The following MECOM variants were observed in gnomAD, a reference collection of about 807,000 sequenced individuals.
The protein encoded by MECOM is MDS1 and EVI1 complex locus, also known as histone-lysine N-methyltransferase MECOM.
MECOM carries 13 observed loss-of-function variants against 116.3 expected under a neutral mutation model. That is an observed-to-expected ratio of 0.11 (90% CI 0.07 to 0.18). The LOEUF (loss-of-function observed/expected upper bound fraction) is 0.18, where lower values mean the gene tolerates loss of function less well. Among genes scored for constraint, MECOM ranks in the 10% least tolerant of loss-of-function variants. The pLI, the probability that MECOM is intolerant of heterozygous loss-of-function variation, is 1.00. For synonymous variants in MECOM, 528 were observed against 535.2 expected, an observed-to-expected ratio of 0.99 and a Z score of 0.19; for missense variants, 1,299 against 1,509.0, an observed-to-expected ratio of 0.86 and a Z score of 2.31.
chr3:169,479,292 T>TGC (rs1553865414), intron 1 of MECOM, among the ~76,000 whole-genome samples: 2 of 151,188 alleles, frequency 1.3e-5, no homozygotes, highest in African/African-American at 2.4e-5. Context: ...TGTGTGTGTG[T>TGC]GCAAGAGACA....
intron 1 of MECOM, among the ~76,000 whole-genome samples, chr3:169,485,027 C>G (rs1335837005): frequency 6.6e-6 from 1 of 152,088 alleles, no homozygotes; most frequent in Non-Finnish European, 1.5e-5. Flanking sequence ...TGGAGTTTCA[C>G]TCTTTCACCC....
At chr3:169,266,024 C>T (rs1317863920) in intron 2 of MECOM, among the ~76,000 whole-genome samples, 1 of 152,138 alleles carries the variant, frequency 6.6e-6, no homozygotes, top group Non-Finnish European at 1.5e-5. Context: ...CTGTCAAGAA[C>T]AAAATCTATA....
intron 1 of MECOM, among the ~76,000 whole-genome samples, chr3:169,493,474 G>A (rs979340012): frequency 6.6e-5 from 10 of 151,972 alleles, no homozygotes; most frequent in Non-Finnish European, 4.4e-5. Context: ...AGAATCTAAC[G>A]AGGAACACCA....
chr3:169,286,904 T>C (rs192749244), intron 2 of MECOM, among the ~76,000 whole-genome samples: 3 of 152,240 alleles, frequency 2.0e-5, no homozygotes, highest in Non-Finnish European at 2.9e-5. Flanking sequence ...GCTGAACTTA[T>C]ACCTTTATCT....
rs201139839 is a variant in MECOM at position 169,090,253 on chromosome 3, A to C, written c.3165-17T>G. ...CCATTCATTCTTTCAAAAGCATTAA[A>C]AAAAAAGTCCAATTGTTGGTTTCAT... On this transcript the variant is annotated splice_polypyrimidine_tract_variant and intron_variant, in intron 14 of 16. Transcript: ENST00000651503. 1,223 of 1,580,030 alleles carry C rather than the reference A, an allele frequency of 7.7e-4. 6 individuals are homozygous for C. The highest frequency in any genetic ancestry group is 1.8e-3 in the Admixed American group (90 of 50,962).
intron 1 of MECOM, among the ~76,000 whole-genome samples, chr3:169,410,567 G>A (rs1737394844): frequency 6.6e-6 from 1 of 151,508 alleles, no homozygotes; most frequent in South Asian, 2.1e-4. Flanking sequence ...AATCCAGCAT[G>A]AGTAATACTT....
At chr3:169,459,982 T>C (rs1747160679) in intron 1 of MECOM, among the ~76,000 whole-genome samples, 1 of 152,080 alleles carries the variant, frequency 6.6e-6, no homozygotes, top group Admixed American at 6.6e-5. Flanking sequence ...TCCAAAATGT[T>C]TAAGAATAGG....
Position 169,103,134 on chromosome 3 carries a change from T to A in MECOM, c.2605-908A>T, listed in dbSNP as rs186758728. ...TAAAGTTGGCTTGATCCCTGTTTTT[T>A]AAAAACTTTTTGTAGAGATGGAGTC... is the stretch of plus-strand genomic sequence containing the variant. On this transcript the variant is annotated intron_variant, in intron 10 of 16. Coordinates refer to ENST00000651503, the MANE Select transcript of MECOM (RefSeq NM_004991.4). Among the ~76,000 whole-genome samples, 173 of 151,346 alleles carry A rather than the reference T, an allele frequency of 1.1e-3. 1 individual carries two copies. Among genetic ancestry groups the A allele is most frequent in the African/African-American group, 4.0e-3 (166 of 41,188 alleles).
intron 1 of MECOM, among the ~76,000 whole-genome samples, chr3:169,647,978 T>C (rs1393663191): frequency 1.3e-5 from 2 of 152,044 alleles, no homozygotes; most frequent in East Asian, 3.9e-4. Flanking sequence ...TACTGAAGTT[T>C]TGAGATGATC....
intron 2 of MECOM, among the ~76,000 whole-genome samples, chr3:169,188,670 T>C (rs1456206978): frequency 6.6e-6 from 1 of 152,100 alleles, no homozygotes; most frequent in Non-Finnish European, 1.5e-5. Flanking sequence ...GACTCTGCCA[T>C]TGTGCTCATT....
chr3:169,290,690 T>C (rs1490896628), intron 2 of MECOM, among the ~76,000 whole-genome samples: 2 of 152,198 alleles, frequency 1.3e-5, no homozygotes. Context: ...GGTGTACATT[T>C]TAATTTTGAA....
At chr3:169,127,378 G>C (rs988838657) in intron 5 of MECOM, among the ~76,000 whole-genome samples, 4 of 151,866 alleles carry the variant, frequency 2.6e-5, no homozygotes, top group African/African-American at 9.7e-5. Flanking sequence ...TTATATATAT[G>C]TAATTTAGAT....
At chr3:169,450,250 C>T (rs1346726098) in intron 1 of MECOM, among the ~76,000 whole-genome samples, 1 of 152,110 alleles carries the variant, frequency 6.6e-6, no homozygotes, top group Non-Finnish European at 1.5e-5. Flanking sequence ...GAGTGAAAAG[C>T]TTTGAAGACT....
At chr3:169,421,816 G>C (rs904737603) in intron 1 of MECOM, among the ~76,000 whole-genome samples, 1 of 152,066 alleles carries the variant, frequency 6.6e-6, no homozygotes, top group Non-Finnish European at 1.5e-5. Flanking sequence ...TTCCCCAGAA[G>C]GTAAGAGGTG....
chr3:169,559,379 T>C (rs922160215), intron 1 of MECOM, among the ~76,000 whole-genome samples: 4 of 152,216 alleles, frequency 2.6e-5, no homozygotes, highest in African/African-American at 9.7e-5. Flanking sequence ...TGTGTGTGTA[T>C]GTATTTACAA....
chr3:169,663,203 T>C, intron 1 of MECOM, 133 bp downstream of exon 1: 1 of 1,018,038 alleles, frequency 9.8e-7, no homozygotes, highest in Non-Finnish European at 1.5e-6. Context: ...TTGCTGGGGC[T>C]GCGCTCCGCC....
At chr3:169,231,183 A>T (rs569102833) in intron 2 of MECOM, among the ~76,000 whole-genome samples, 1 of 152,266 alleles carries the variant, frequency 6.6e-6, no homozygotes, top group South Asian at 2.1e-4. Context: ...TCTATTGAAT[A>T]AAATTGGAAG....
At chr3:169,379,076 G>A (rs569027472) in intron 2 of MECOM, among the ~76,000 whole-genome samples, 23 of 151,858 alleles carry the variant, frequency 1.5e-4, no homozygotes, top group Non-Finnish European at 2.2e-4. Context: ...AAAGTCATCC[G>A]GCAGGGGTTG....
intron 1 of MECOM, among the ~76,000 whole-genome samples, chr3:169,546,286 C>T (rs1408053690): frequency 6.6e-6 from 1 of 152,128 alleles, no homozygotes; most frequent in African/African-American, 2.4e-5. Flanking sequence ...AATAAAATCC[C>T]TGTATATGTT....
Sources: gnomAD v4.1 joint callset for allele counts (sites outside exome capture counted in the v4.1 genomes callset) on GRCh38, gnomAD v4.1.1 for gene constraint, MANE v1.5 for transcripts, NCBI Gene and HGNC (gene_info 2026-07-23, HGNC 2026-07-21) for gene names.